Variants in ASAH2B observed in about 807,000 individuals in gnomAD.
The protein encoded by ASAH2B is N-acylsphingosine amidohydrolase 2B, also known as putative inactive neutral ceramidase B.
ASAH2B carries 1 observed loss-of-function variant against 2.9 expected under a neutral mutation model. The observed-to-expected ratio is 0.34, with a 90% CI of 0.12 to 1.63. The LOEUF is 1.63. Among genes scored for constraint, ASAH2B ranks in the 40% most tolerant of loss-of-function variants. The pLI is 0.36. For missense variants in ASAH2B, 9 were observed against 37.7 expected (o/e 0.24, Z 1.99); for synonymous variants, 4 against 13.3 (o/e 0.30, Z 1.52).
At chr10:50,744,557 T>A (rs1255844825) in intron 2 of ASAH2B, 4 of 152,000 alleles carry the variant, frequency 2.6e-5, no homozygotes. Context: ...TAGGGATATT[T>A]GAAAATTGAG....
chr10:50,744,765 A>G (rs1839882792), intron 2 of ASAH2B: 1 of 195,300 alleles, frequency 5.1e-6, no homozygotes, highest in African/African-American at 2.4e-5. Context: ...TAAAAATTAA[A>G]ATAATAATTA....
At chr10:50,746,131 A>G (rs945545735) in intron 3 of ASAH2B, among the ~76,000 whole-genome samples, 3 of 151,504 alleles carry the variant, frequency 2.0e-5, no homozygotes, top group Admixed American at 1.3e-4. Context: ...GATCAATAGA[A>G]TATAAAATTT....
chr10:50,748,530 T>C (rs962192970), intron 3 of ASAH2B, among the ~76,000 whole-genome samples: 5 of 150,544 alleles, frequency 3.3e-5, no homozygotes, highest in Admixed American at 2.0e-4. Context: ...CTGGGGACTG[T>C]TCTCTGTAAT....
intron 3 of ASAH2B, among the ~76,000 whole-genome samples, chr10:50,748,418 A>G (rs1440170099): frequency 6.7e-6 from 1 of 148,300 alleles, no homozygotes; most frequent in African/African-American, 2.5e-5. Flanking sequence ...CACTTCCCCC[A>G]GCACCCCTCA....
chr10:50,751,668 G>A (rs1839981487), intron 4 of ASAH2B, among the ~76,000 whole-genome samples: 2 of 151,310 alleles, frequency 1.3e-5, no homozygotes, highest in East Asian at 3.9e-4. Flanking sequence ...TTTAGCAAGG[G>A]GTTATTTGAG....
At chr10:50,740,732 C>T (rs1372958159) in intron 1 of ASAH2B, among the ~76,000 whole-genome samples, 1 of 152,120 alleles carries the variant, frequency 6.6e-6, no homozygotes, top group East Asian at 1.9e-4. Context: ...ATCAAGCTGT[C>T]AGATTTTATG....
At chr10:50,746,710 A>T (rs1178241888) in intron 3 of ASAH2B, among the ~76,000 whole-genome samples, 2 of 149,548 alleles carry the variant, frequency 1.3e-5, no homozygotes, top group South Asian at 2.1e-4. Flanking sequence ...GTATTAGGTG[A>T]TATCTTGTTG....
In ASAH2B at chr10:50,746,230, T is replaced by C. The variant is rs576607016; in HGVS notation, c.144+956T>C. Among the ~76,000 whole-genome samples, 14 of 151,628 alleles carry C rather than the reference T, an allele frequency of 9.2e-5. No homozygotes were observed. In the East Asian group the frequency reaches 2.3e-3, roughly 25 times the overall value. Reference sequence around the variant, plus strand: ...ATGAGTTTAACTCTTGAAGGTTCTATATATAAGTGAGATCATGTGGTATTT... The same window carrying C: ...ATGAGTTTAACTCTTGAAGGTTCTACATATAAGTGAGATCATGTGGTATTT... On this transcript the variant is annotated intron_variant, in intron 3 of 5. Transcript: ENST00000647317.
intron 2 of ASAH2B, among the ~76,000 whole-genome samples, chr10:50,743,471 A>G (rs1839864144): frequency 6.6e-6 from 1 of 150,400 alleles, no homozygotes; most frequent in Admixed American, 6.6e-5. Context: ...AATATCTTGG[A>G]AATTGGGATG....
At chr10:50,748,098 A>G (rs985554726) in intron 3 of ASAH2B, among the ~76,000 whole-genome samples, 1 of 149,284 alleles carries the variant, frequency 6.7e-6, no homozygotes, top group African/African-American at 2.5e-5. Flanking sequence ...TTTTCCTTGC[A>G]TCAATTTTGT....
intron 1 of ASAH2B, among the ~76,000 whole-genome samples, chr10:50,740,651 A>G (rs1199621935): frequency 1.3e-5 from 2 of 152,228 alleles, no homozygotes; most frequent in Non-Finnish European, 2.9e-5. Context: ...TAGATAGACC[A>G]AACATTTATT....
chr10:50,742,295 T>A (rs1439667916), intron 1 of ASAH2B, among the ~76,000 whole-genome samples: 1 of 150,856 alleles, frequency 6.6e-6, no homozygotes, highest in Non-Finnish European at 1.5e-5. Context: ...GAGAGAGGAG[T>A]CTAAGGTAAC....
In ASAH2B at chr10:50,745,253, A is replaced by G. The variant is rs1564470662; in HGVS notation, c.123A>G (p.Pro41=). The G allele has an allele frequency of 3.5e-6, 2 of 575,346 alleles. No individual in the cohort carries two copies. Among genetic ancestry groups the G allele is most frequent in the Non-Finnish European group, 2.8e-6 (1 of 351,604 alleles). The allele number at this position is 575,346 out of a possible 1,614,324, so 35.6% of individuals were successfully genotyped here. A position where few individuals can be genotyped will look rare whatever the true frequency, so the allele number is the denominator to read the frequency against. The change falls in exon 3 of 6, where the codon CCA becomes CCG. Residue 41 remains proline (P), a synonymous_variant. Coordinates refer to ENST00000647317, the MANE Select transcript of ASAH2B (RefSeq NM_001321958.2). ...GAACTTTCGGGGATGTCCTGCAGCC[A>G]GCAAAACCTGAATACAGAGTGGTAA... ...KGRTFGDVLQ[P]AKPEYRVGEV... is the part of the protein sequence containing the mutation.
At chr10:50,740,929 A>C (rs1361672173) in intron 1 of ASAH2B, among the ~76,000 whole-genome samples, 4 of 151,868 alleles carry the variant, frequency 2.6e-5, no homozygotes, top group Non-Finnish European at 5.9e-5. Flanking sequence ...TAGATGAGTT[A>C]TAATTCAGGA....
At chr10:50,740,749 G>C (rs1014947613) in intron 1 of ASAH2B, among the ~76,000 whole-genome samples, 2 of 152,134 alleles carry the variant, frequency 1.3e-5, no homozygotes, top group African/African-American at 4.8e-5. Context: ...TATGCAGCCT[G>C]ATATTCTTAA....
rs1251451717 is a variant in ASAH2B, at chr10:50,752,813, G to GT, written c.293+265dup. ...TTCCATTCTTACAGACATCTGTTCT[G>GT]TTTTTTTTCCCCATGGACACAGGTA... On this transcript the variant is annotated intron_variant, in intron 5 of 5. Transcript: ENST00000647317. Among the ~76,000 whole-genome samples, 10 of 107,936 alleles carry GT rather than the reference G, an allele frequency of 9.3e-5. No homozygotes were observed. The South Asian group carries it at 1.3e-3, about 14-fold the overall frequency. 70.8% of individuals were successfully genotyped at this position (107,936 alleles called of 152,430 possible).
chr10:50,747,099 A>G (rs2820760), intron 3 of ASAH2B, among the ~76,000 whole-genome samples: 114,023 of 148,476 alleles, frequency 0.77, 45,598 homozygotes, highest in East Asian at 0.97. Flanking sequence ...ACATCATGGA[A>G]CTTTTCCTCT....
chr10:50,744,183 C>T (rs1421491102), intron 2 of ASAH2B, among the ~76,000 whole-genome samples: 1 of 151,134 alleles, frequency 6.6e-6, no homozygotes, highest in Non-Finnish European at 1.5e-5. Flanking sequence ...ATAATCCATC[C>T]CTAGAGATAA....
chr10:50,748,413 C>A (rs1423092238), intron 3 of ASAH2B, among the ~76,000 whole-genome samples: 1 of 147,480 alleles, frequency 6.8e-6, no homozygotes, highest in Non-Finnish European at 1.5e-5. Context: ...TTCCTCACTT[C>A]CCCCAGCACC....
Sources: gnomAD v4.1 joint callset for allele counts (sites outside exome capture counted in the v4.1 genomes callset) on GRCh38, gnomAD v4.1.1 for gene constraint, MANE v1.5 for transcripts, NCBI Gene and HGNC (gene_info 2026-07-23, HGNC 2026-07-21) for gene names.